The following S100PBP variants were observed in gnomAD, a reference collection of about 807,000 sequenced individuals.
The protein encoded by S100PBP is S100P binding protein.
A neutral mutation model predicts 39.9 loss-of-function variants in S100PBP; 15 were observed. The observed-to-expected ratio is 0.38, with a 90% CI of 0.25 to 0.58. The LOEUF is 0.58. Among genes scored for constraint, S100PBP ranks in the 20% least tolerant of loss-of-function variants. The probability of loss-of-function intolerance (pLI) is 0.70; values close to 1 mark genes in which losing one functional copy is unlikely to be tolerated. For missense variants in S100PBP, 504 were observed against 487.3 expected (o/e 1.03, Z -0.32); for synonymous variants, 178 against 180.3 (o/e 0.99, Z 0.10).
rs1639076541 is a variant in S100PBP, at chr1:32,821,730, G to A, written c.-119-3583G>A. The stretch of plus-strand genomic sequence containing the variant: ...GCCCACTGCAACCTCCGCCTCCTGG[G>A]TTTCAGCGAGTCTCCTGCCTCAGAC... On this transcript the variant is annotated intron_variant, in intron 1 of 6. Transcript: ENST00000373475. Among the ~76,000 whole-genome samples the A allele has an allele frequency of 2.0e-5, 3 of 152,050 alleles. No homozygotes were observed. The South Asian group carries it at 6.2e-4, about 32-fold the overall frequency.
intron 5 of S100PBP, chr1:32,836,626 T>G: frequency 5.2e-6 from 5 of 964,048 alleles, no homozygotes; most frequent in Non-Finnish European, 6.2e-6. Context: ...ATTAAATTTT[T>G]TTTTTGGGAG....
Position 32,857,865 on chromosome 1 carries a change from T to A in S100PBP, c.*1827T>A, listed in dbSNP as rs1289511685. The A allele has an allele frequency of 6.6e-6, 1 of 152,256 alleles. No individual in the cohort carries two copies. 9.4% of individuals were successfully genotyped at this position (152,256 alleles called of 1,614,324 possible). Reference sequence around the variant, plus strand: ...ATTTAGGTGAATGTCCCTAAGTGTTTACTGTTTTTATCCAGTCAAGGATTT... The same window carrying A: ...ATTTAGGTGAATGTCCCTAAGTGTTAACTGTTTTTATCCAGTCAAGGATTT... On this transcript the variant is annotated 3_prime_UTR_variant, in exon 7 of 7. Coordinates refer to ENST00000373475, the MANE Select transcript of S100PBP (RefSeq NM_022753.4).
chr1:32,852,917 C>T (rs373157050), intron 5 of S100PBP, 162 bp from the exon 6 acceptor site: 1 of 567,522 alleles, frequency 1.8e-6, no homozygotes, highest in Non-Finnish European at 3.2e-6. Context: ...GAGTAATCTC[C>T]CCATTCTGGT....
intron 5 of S100PBP, among the ~76,000 whole-genome samples, chr1:32,838,494 T>C (rs561040219): frequency 7.2e-4 from 110 of 152,250 alleles, no homozygotes; most frequent in African/African-American, 2.5e-3. Context: ...CCCCCAACTT[T>C]TTAATTATAA....
chr1:32,852,898 A>G (rs1640669923), intron 5 of S100PBP, 181 bp from the exon 6 acceptor site: 1 of 541,266 alleles, frequency 1.8e-6, no homozygotes, highest in African/African-American at 1.9e-5. Flanking sequence ...CTTCACCTTC[A>G]CCCTCCAAGA....
chr1:32,817,149 C>T, upstream of S100PBP: 1 of 1,613,120 alleles, frequency 6.2e-7, no homozygotes, highest in Non-Finnish European at 8.5e-7. Context: ...CCTCGGGCTC[C>T]TAATCCCCAA....
chr1:32,841,380 T>C (rs1176043803), intron 5 of S100PBP, among the ~76,000 whole-genome samples: 2 of 152,086 alleles, frequency 1.3e-5, no homozygotes, highest in African/African-American at 2.4e-5. Context: ...TTTATTTATT[T>C]ATTTTTCTTG....
intron 5 of S100PBP, among the ~76,000 whole-genome samples, chr1:32,839,184 A>G (rs1639978797): frequency 6.6e-6 from 1 of 152,154 alleles, no homozygotes; most frequent in Admixed American, 6.6e-5. Flanking sequence ...TTATGTGTTT[A>G]TGAATTTGAC....
At chr1:32,830,374 A>G (rs894524531) in intron 5 of S100PBP, among the ~76,000 whole-genome samples, 3 of 152,192 alleles carry the variant, frequency 2.0e-5, no homozygotes, top group African/African-American at 7.2e-5. Flanking sequence ...TCTGAAAAAT[A>G]ACGGAAGTGG....
Position 32,826,376 on chromosome 1 carries a change from G to C in S100PBP, c.277G>C (p.Asp93His). ...KGERGSQILL[D>H]TPREKNSSYS... ...AGAAAGAGGGAGTCAAATTCTACTT[G>C]ATACTCCCCGAGAGAAAAATTCATC... The change falls in exon 3 of 7, where the codon GAT (aspartate) becomes CAT (histidine). Residue 93 changes from aspartate (D) to histidine (H), a missense_variant. Transcript: ENST00000373475. The C allele has an allele frequency of 3.7e-6, 6 of 1,614,100 alleles. No homozygotes were observed. Among genetic ancestry groups the C allele is most frequent in the Non-Finnish European group, 5.1e-6 (6 of 1,180,022 alleles).
At chr1:32,833,591 G>C (rs112290545) in intron 5 of S100PBP, among the ~76,000 whole-genome samples, 93 of 151,904 alleles carry the variant, frequency 6.1e-4, no homozygotes, top group African/African-American at 1.9e-3. Context: ...CGAACTCCTG[G>C]CCTCAAGTGA....
chr1:32,836,039 T>G (rs1051186182), intron 5 of S100PBP: 6 of 152,162 alleles, frequency 3.9e-5, no homozygotes, highest in African/African-American at 1.4e-4. Flanking sequence ...AACTTCATAC[T>G]GTTTTTCATA....
At chr1:32,835,170 T>C (rs1639762763) in intron 5 of S100PBP, 1 of 152,144 alleles carries the variant, frequency 6.6e-6, no homozygotes, top group African/African-American at 2.4e-5. Context: ...TCTAAATATA[T>C]AATTTCTTCT....
chr1:32,836,630 T>C, intron 5 of S100PBP: 1 of 948,068 alleles, frequency 1.1e-6, no homozygotes, highest in Non-Finnish European at 1.3e-6. Context: ...AATTTTTTTT[T>C]TGGGAGAGCT....
chr1:32,824,464 CTAAA>C (rs1432139793), intron 1 of S100PBP, among the ~76,000 whole-genome samples: 1 of 152,112 alleles, frequency 6.6e-6, no homozygotes, highest in African/African-American at 2.4e-5. Flanking sequence ...ATACAACTAA[CTAAA>C]TATTCAAGTA....
intron 2 of S100PBP, among the ~76,000 whole-genome samples, chr1:32,825,705 G>C (rs576141568): frequency 6.5e-4 from 99 of 152,262 alleles, no homozygotes; most frequent in Non-Finnish European, 1.2e-3. Context: ...TTGCCTCCAG[G>C]ATTTGGCTAC....
intron 1 of S100PBP, among the ~76,000 whole-genome samples, chr1:32,824,563 CTTTT>C (rs887324710): frequency 6.9e-6 from 1 of 145,352 alleles, no homozygotes; most frequent in African/African-American, 2.5e-5. Flanking sequence ...TTGTTTGTAT[CTTTT>C]TTTTTTTTCT....
intron 5 of S100PBP, 59 bp downstream of exon 5, chr1:32,830,126 T>G: frequency 9.6e-7 from 1 of 1,040,634 alleles, no homozygotes; most frequent in Non-Finnish European, 1.5e-6. Flanking sequence ...CTCTTTCCGG[T>G]GTAACAGCTT....
At chr1:32,845,581 T>G (rs1640329942) in intron 5 of S100PBP, among the ~76,000 whole-genome samples, 1 of 151,968 alleles carries the variant, frequency 6.6e-6, no homozygotes, top group East Asian at 1.9e-4. Flanking sequence ...GATCAGATCA[T>G]TGATCTTGAG....
Sources: gnomAD v4.1 joint callset for allele counts (sites outside exome capture counted in the v4.1 genomes callset) on GRCh38, gnomAD v4.1.1 for gene constraint, MANE v1.5 for transcripts, NCBI Gene and HGNC (gene_info 2026-07-23, HGNC 2026-07-21) for gene names.